RFX3: variants seen among roughly 807,000 people sequenced by gnomAD.
The protein encoded by RFX3 is regulatory factor X3, also known as transcription factor RFX3.
A neutral mutation model predicts 98.6 loss-of-function variants in RFX3; 14 were observed. The observed-to-expected ratio is 0.14, with a 90% confidence interval of 0.09 to 0.22. The LOEUF (loss-of-function observed/expected upper bound fraction) is 0.22. Ranked by LOEUF, RFX3 falls within the 10% of genes least tolerant of loss-of-function variation. RFX3 has a pLI of 1.00. For missense variants in RFX3, 639 were observed against 926.9 expected (o/e 0.69, Z 4.03); for synonymous variants, 383 against 328.4 (o/e 1.17, Z -1.80).
chr9:3,422,068 G>C (rs975217623), intron 1 of RFX3, among the ~76,000 whole-genome samples: 1 of 151,882 alleles, frequency 6.6e-6, no homozygotes, highest in Non-Finnish European at 1.5e-5. Context: ...GAGTAGAAAA[G>C]GTACCTAAGG....
chr9:3,457,455 A>T (rs1847292349), intron 1 of RFX3, among the ~76,000 whole-genome samples: 1 of 152,096 alleles, frequency 6.6e-6, no homozygotes, highest in African/African-American at 2.4e-5. Context: ...TCTTTACTCA[A>T]TTTGAGTATC....
At chr9:3,514,889 G>A (rs1818003006) in intron 1 of RFX3, among the ~76,000 whole-genome samples, 1 of 152,138 alleles carries the variant, frequency 6.6e-6, no homozygotes, top group Non-Finnish European at 1.5e-5. Context: ...TTTTAAAGTT[G>A]TAAAGGTGAT....
At chr9:3,311,425 G>A (rs949365601) in intron 4 of RFX3, among the ~76,000 whole-genome samples, 2 of 152,208 alleles carry the variant, frequency 1.3e-5, no homozygotes, top group African/African-American at 4.8e-5. Flanking sequence ...CAGCCTCCTG[G>A]TGTGTGTGAA....
At chr9:3,383,548 A>C (rs1839412055) in intron 2 of RFX3, among the ~76,000 whole-genome samples, 1 of 151,916 alleles carries the variant, frequency 6.6e-6, no homozygotes, top group South Asian at 2.1e-4. Flanking sequence ...TCTTGGCCAA[A>C]AAAAAAAAAT....
chr9:3,367,917 A>G (rs1837393229), intron 2 of RFX3, among the ~76,000 whole-genome samples: 1 of 152,242 alleles, frequency 6.6e-6, no homozygotes, highest in Non-Finnish European at 1.5e-5. Context: ...GGAGAATGCT[A>G]TCATCAATCC....
rs545455349 is a variant in RFX3 at position 3,321,803 on chromosome 9, T to C, written c.474+8456A>G. ...TTTTCTATCCAAGTGAAATTAATTTTGATATAAAGACTAATATATGAACCA... is the reference window on the plus strand; with the variant it reads ...TTTTCTATCCAAGTGAAATTAATTTCGATATAAAGACTAATATATGAACCA... On this transcript the variant is annotated intron_variant, in intron 4 of 16. Coordinates refer to ENST00000617270, the MANE Select transcript of RFX3 (RefSeq NM_001282116.2). Among the ~76,000 whole-genome samples the C allele has an allele frequency of 1.1e-3, 169 of 152,244 alleles. 1 individual carries two copies. The highest frequency in any genetic ancestry group is 2.1e-3 in the Non-Finnish European group (142 of 68,010).
chr9:3,316,224 T>A (rs3012702), intron 4 of RFX3, among the ~76,000 whole-genome samples: 1 of 151,950 alleles, frequency 6.6e-6, no homozygotes, highest in Admixed American at 6.6e-5. Flanking sequence ...GTTCAACATA[T>A]GCAAATCAAT....
intron 1 of RFX3, among the ~76,000 whole-genome samples, chr9:3,452,941 C>G (rs959502253): frequency 6.6e-6 from 1 of 152,042 alleles, no homozygotes; most frequent in African/African-American, 2.4e-5. Flanking sequence ...CCAAATCAGC[C>G]GTCTCAAAAT....
intron 2 of RFX3, among the ~76,000 whole-genome samples, chr9:3,377,671 A>T (rs1838702252): frequency 6.6e-6 from 1 of 152,214 alleles, no homozygotes; most frequent in African/African-American, 2.4e-5. Flanking sequence ...CGATCTAAAT[A>T]ACAGAAAGCA....
At chr9:3,313,307 A>C (rs890024113) in intron 4 of RFX3, among the ~76,000 whole-genome samples, 2 of 152,192 alleles carry the variant, frequency 1.3e-5, no homozygotes, top group Non-Finnish European at 2.9e-5. Flanking sequence ...GAGGGTCCTG[A>C]CTGTTAGAAG....
intron 4 of RFX3, among the ~76,000 whole-genome samples, chr9:3,315,675 A>C (rs1406029221): frequency 6.6e-6 from 1 of 152,204 alleles, no homozygotes; most frequent in African/African-American, 2.4e-5. Context: ...AGATGCAATA[A>C]AAAATGATAA....
At chr9:3,369,177 T>C (rs1418614839) in intron 2 of RFX3, among the ~76,000 whole-genome samples, 1 of 152,220 alleles carries the variant, frequency 6.6e-6, no homozygotes, top group Non-Finnish European at 1.5e-5. Flanking sequence ...CAGCAAAAAC[T>C]GGGTAACTTA....
chr9:3,416,409 C>T (rs998021160), intron 1 of RFX3, among the ~76,000 whole-genome samples: 2 of 152,088 alleles, frequency 1.3e-5, no homozygotes, highest in Admixed American at 1.3e-4. Flanking sequence ...CTATGTTGGG[C>T]CTGTTTCTGC....
intron 1 of RFX3, among the ~76,000 whole-genome samples, chr9:3,469,748 C>A (rs1452242889): frequency 6.7e-6 from 1 of 149,820 alleles, no homozygotes; most frequent in African/African-American, 2.5e-5. Context: ...ACATATGACC[C>A]AAAATAATTA....
intron 16 of RFX3, among the ~76,000 whole-genome samples, chr9:3,225,618 TGG>T (rs1254720343): frequency 1.3e-5 from 2 of 152,306 alleles, no homozygotes; most frequent in African/African-American, 4.8e-5. Flanking sequence ...ATAGTCACTT[TGG>T]TATGTTATGC....
intron 3 of RFX3, among the ~76,000 whole-genome samples, chr9:3,334,942 A>T (rs908964512): frequency 4.6e-5 from 7 of 151,976 alleles, no homozygotes; most frequent in South Asian, 2.1e-4. Context: ...AAACACGGTG[A>T]AATTTGTCTT....
intron 1 of RFX3, among the ~76,000 whole-genome samples, chr9:3,415,516 A>T (rs1842908243): frequency 6.6e-6 from 1 of 152,132 alleles, no homozygotes; most frequent in South Asian, 2.1e-4. Context: ...TCCATTACTG[A>T]AGGCAGGTTG....
intron 5 of RFX3, among the ~76,000 whole-genome samples, chr9:3,300,179 G>C (rs1018416113): frequency 6.6e-6 from 1 of 151,434 alleles, no homozygotes; most frequent in Non-Finnish European, 1.5e-5. Flanking sequence ...AACATAGCAG[G>C]AATATACTTA....
intron 13 of RFX3, among the ~76,000 whole-genome samples, chr9:3,260,930 C>A (rs1822803253): frequency 6.7e-6 from 1 of 150,098 alleles, no homozygotes; most frequent in East Asian, 2.0e-4. Flanking sequence ...ATATATATAT[C>A]TCAGAAGTTT....
Sources: allele counts gnomAD v4.1 joint callset (sites outside exome capture counted in the v4.1 genomes callset), GRCh38; gene constraint gnomAD v4.1.1; transcripts MANE v1.5; gene names NCBI Gene and HGNC (gene_info 2026-07-23, HGNC 2026-07-21).